SCUBE2: variants seen among roughly 807,000 people sequenced by gnomAD.
SCUBE2 encodes signal peptide, CUB domain and EGF like domain containing 2.
In SCUBE2, 114 loss-of-function variants were observed where a neutral mutation model predicts 125.9. The observed-to-expected ratio is 0.91, with a 90% confidence interval of 0.78 to 1.06. The LOEUF (loss-of-function observed/expected upper bound fraction) is 1.06. Among genes scored for constraint, SCUBE2 ranks in the 50% least tolerant of loss-of-function variants. SCUBE2 has a pLI of 0.00. For missense variants in SCUBE2, 1,255 were observed against 1,301.8 expected (o/e 0.96, Z 0.55); for synonymous variants, 459 against 492.9 (o/e 0.93, Z 0.91).
intron 13 of SCUBE2, among the ~76,000 whole-genome samples, chr11:9,051,688 A>T (rs1009229850): frequency 6.6e-6 from 1 of 152,198 alleles, no homozygotes. Flanking sequence ...CTCATCTGTA[A>T]AACAGGCATA....
intron 16 of SCUBE2, among the ~76,000 whole-genome samples, chr11:9,047,085 C>T (rs1857856040): frequency 9.3e-6 from 1 of 107,688 alleles, no homozygotes; most frequent in African/African-American, 3.6e-5. Context: ...TTCCTCAAGT[C>T]AACCAACATT....
intron 5 of SCUBE2, 69 bp downstream of exon 5, chr11:9,069,301 C>T: frequency 6.3e-7 from 1 of 1,591,196 alleles, no homozygotes. Flanking sequence ...TGCTTCTGAG[C>T]TGGGCCACAG....
intron 17 of SCUBE2, chr11:9,031,266 C>G (rs1856278030): frequency 5.6e-6 from 1 of 178,026 alleles, no homozygotes; most frequent in Admixed American, 6.2e-5. Context: ...AGAGAGTTCT[C>G]TGCCCTGGGA....
At chr11:9,025,630 T>C (rs750687407) in intron 21 of SCUBE2, 72 bp downstream of exon 21, 1 of 1,556,322 alleles carries the variant, frequency 6.4e-7, no homozygotes, top group African/African-American at 1.4e-5. Flanking sequence ...GTCAGCAGTT[T>C]GCCAGCTGGC....
chr11:9,086,718 T>C (rs111394391), intron 2 of SCUBE2, among the ~76,000 whole-genome samples: 12,199 of 152,090 alleles, frequency 0.08, 1,571 homozygotes, highest in African/African-American at 0.27. Context: ...CCGGGTGTGG[T>C]GGTGCACGCC....
chr11:9,064,515 C>T (rs929677786), intron 7 of SCUBE2: 6 of 150,358 alleles, frequency 4.0e-5, no homozygotes, highest in Non-Finnish European at 8.9e-5. Flanking sequence ...TAACTGTATA[C>T]CCTTCATTTT....
intron 22 of SCUBE2, 71 bp downstream of exon 22, chr11:9,021,805 A>G: frequency 8.6e-7 from 1 of 1,168,850 alleles, no homozygotes. Flanking sequence ...GAGCAGGAGG[A>G]GAAGCCTTCT....
Position 9,027,401 on chromosome 11 carries a change from C to G in SCUBE2, c.2664G>C (p.Glu888Asp). The G allele has an allele frequency of 6.2e-7, 1 of 1,614,042 alleles. No homozygotes were observed. Among genetic ancestry groups the G allele is most frequent in the Non-Finnish European group, 8.5e-7 (1 of 1,180,012 alleles). ...IVVPEIFLPI[E>D]DDCGDYLVMR... ...TCACCAGATAGTCCCCACAGTCGTC[C>G]TCTATGGGCAGGAAGATCTCAGGGA... The change falls in exon 20 of 23, where the codon GAG (glutamate) becomes GAC (aspartate). Residue 888 changes from glutamate to aspartate, a missense_variant. By Grantham distance (45) the Glu-to-Asp change is conservative. Coordinates refer to ENST00000649792, the MANE Select transcript of SCUBE2 (RefSeq NM_001367977.2).
rs987331398 is a variant in SCUBE2, at chr11:9,021,274, C to T, written c.2935-77G>A. ...CATTTTGCCCATGGAACTATAATGA[C>T]CCAGTATTAGGCCGTAGCTTGCTTA... is the stretch of plus-strand genomic sequence containing the variant. On this transcript the variant is annotated intron_variant, in intron 22 of 22. Transcript: ENST00000649792. 2.8e-5 allele frequency: 37 copies of T among 1,320,228 alleles called. 1 individual carries two copies. The highest frequency in any genetic ancestry group is 3.6e-5 in the Non-Finnish European group (35 of 985,352). The allele number at this position is 1,320,228 out of a possible 1,614,324, so 81.8% of individuals were successfully genotyped here.
At chr11:9,024,233 A>G in intron 21 of SCUBE2, 1 of 1,089,172 alleles carries the variant, frequency 9.2e-7, no homozygotes, top group Non-Finnish European at 1.1e-6. Flanking sequence ...TTTATTTTGA[A>G]GTCTCAGTGT....
intron 16 of SCUBE2, among the ~76,000 whole-genome samples, chr11:9,046,286 G>A (rs943287410): frequency 2.0e-5 from 3 of 152,082 alleles, no homozygotes; most frequent in African/African-American, 7.2e-5. Flanking sequence ...GGGATTATAG[G>A]TGTGAGCCAT....
intron 4 of SCUBE2, among the ~76,000 whole-genome samples, chr11:9,073,536 C>T (rs1860981160): frequency 1.3e-5 from 2 of 152,182 alleles, no homozygotes; most frequent in Non-Finnish European, 1.5e-5. Flanking sequence ...TTACCAAGAC[C>T]AGGATTAAAA....
At chr11:9,068,081 C>T (rs1454052296) in intron 5 of SCUBE2, among the ~76,000 whole-genome samples, 2 of 152,150 alleles carry the variant, frequency 1.3e-5, no homozygotes, top group Non-Finnish European at 2.9e-5. Context: ...ATGGTGGCAC[C>T]AGCCTTGGCT....
rs183069138 is a variant in SCUBE2, at chr11:9,077,394, G to A, written c.382+1990C>T. Among the ~76,000 whole-genome samples the A allele has an allele frequency of 2.0e-5, 3 of 152,336 alleles. No individual in the cohort carries two copies. The East Asian group carries it at 5.8e-4, about 29-fold the overall frequency. ...TAGAAACTGAAGGCAGATGGGGTGA[G>A]CTGTATAGAAGAGCTGCCTTTCGTT... On this transcript the variant is annotated intron_variant, in intron 3 of 22. Transcript: ENST00000649792.
At chr11:9,056,613 A>C (rs2135529078) in intron 9 of SCUBE2, among the ~76,000 whole-genome samples, 1 of 152,270 alleles carries the variant, frequency 6.6e-6, no homozygotes, top group African/African-American at 2.4e-5. Flanking sequence ...TCAGTGTGGA[A>C]GCCTCCTTGG....
chr11:9,030,046 C>A lies in SCUBE2; in HGVS notation c.2342-1G>T. The A allele has an allele frequency of 6.2e-7, 1 of 1,613,196 alleles. No homozygotes were observed. Among genetic ancestry groups the A allele is most frequent in the Non-Finnish European group, 8.5e-7 (1 of 1,179,308 alleles). ...TAGAAATGTCCAGGTGAACATTGAA[C>A]TGTGGGTCAAGGGAGGGTGAAAAGA... is the stretch of plus-strand genomic sequence containing the variant. On this transcript the variant is annotated splice_acceptor_variant, in intron 18 of 22. Transcript: ENST00000649792. LOFTEE classifies it high-confidence loss of function.
At chr11:9,035,512 C>G (rs981567743) in intron 16 of SCUBE2, among the ~76,000 whole-genome samples, 2 of 152,134 alleles carry the variant, frequency 1.3e-5, no homozygotes, top group Admixed American at 1.3e-4. Context: ...CAAACATTCT[C>G]TATATGTAAG....
chr11:9,069,632 T>C, intron 4 of SCUBE2, 137 bp from the exon 5 acceptor site: 1 of 1,153,160 alleles, frequency 8.7e-7, no homozygotes. Context: ...GAAAAGTATA[T>C]GTCATTAAAG....
chr11:9,046,385 T>A (rs1857778264), intron 16 of SCUBE2, among the ~76,000 whole-genome samples: 1 of 152,072 alleles, frequency 6.6e-6, no homozygotes, highest in Admixed American at 6.5e-5. Flanking sequence ...GGGCCTTTAC[T>A]CCCCAGGAAC....
Sources: allele counts gnomAD v4.1 joint callset (sites outside exome capture counted in the v4.1 genomes callset), GRCh38; gene constraint gnomAD v4.1.1; transcripts MANE v1.5; gene names NCBI Gene and HGNC (gene_info 2026-07-23, HGNC 2026-07-21).